CACNA1C: variants seen among roughly 807,000 people sequenced by gnomAD.
The protein encoded by CACNA1C is voltage-dependent L-type calcium channel subunit alpha-1C.
Under a neutral mutation model 229.0 loss-of-function variants are expected in CACNA1C, and 30 were observed. That is an observed-to-expected ratio of 0.13 (90% CI 0.10 to 0.18). The LOEUF (loss-of-function observed/expected upper bound fraction) is 0.18. CACNA1C is among the 10% of genes least tolerant of loss of function. The probability of loss-of-function intolerance (pLI) is 1.00; values close to 1 mark genes in which losing one functional copy is unlikely to be tolerated. For missense variants in CACNA1C, 1,658 were observed against 2,845.0 expected (o/e 0.58, Z 9.49); for synonymous variants, 1,114 against 1,132.5 (o/e 0.98, Z 0.33).
chr12:2,393,198 ACT>A (rs1305941385), intron 3 of CACNA1C, among the ~76,000 whole-genome samples: 1 of 152,176 alleles, frequency 6.6e-6, no homozygotes, highest in African/African-American at 2.4e-5. Context: ...CCTCCAGACC[ACT>A]GTCTTACCAT....
chr12:2,024,030 C>G (rs2046906201), intron 1 of CACNA1C, among the ~76,000 whole-genome samples: 1 of 152,186 alleles, frequency 6.6e-6, no homozygotes, highest in Non-Finnish European at 1.5e-5. Flanking sequence ...GCACTTAGTA[C>G]CCAGTGCAGA....
chr12:2,437,852 ATGGTGGTGATGG>A lies in CACNA1C; in HGVS notation c.478-11116_478-11105del, dbSNP rs1214959811. ...GGTGGTGGTAATGATGGTGGTGATG[ATGGTGGTGATGG>A]TGGTGGTAATGGTGGTGGCGGTGGT... On this transcript the variant is annotated intron_variant, in intron 3 of 46. Coordinates refer to ENST00000399655, the MANE Select transcript of CACNA1C (RefSeq NM_000719.7). Among the ~76,000 whole-genome samples the A allele has an allele frequency of 5.5e-4, 59 of 106,542 alleles. No individual in the cohort carries two copies. In the East Asian group the frequency reaches 0.024, roughly 44 times the overall value. The allele number at this position is 106,542 out of a possible 152,430, so 69.9% of individuals were successfully genotyped here. A position where few individuals can be genotyped will look rare whatever the true frequency, so the allele number is the denominator to read the frequency against.
chr12:2,487,956 G>A (rs1370616464), intron 6 of CACNA1C, among the ~76,000 whole-genome samples: 1 of 152,110 alleles, frequency 6.6e-6, no homozygotes, highest in Non-Finnish European at 1.5e-5. Flanking sequence ...CAGTTGTATT[G>A]AAATTATCAA....
At chr12:2,229,513 A>G (rs894871986) in intron 3 of CACNA1C, among the ~76,000 whole-genome samples, 17 of 152,174 alleles carry the variant, frequency 1.1e-4, no homozygotes, top group Non-Finnish European at 1.5e-4. Flanking sequence ...AATCTAGTAG[A>G]GAGACAATGA....
chr12:2,477,878 T>G (rs534550556), intron 5 of CACNA1C, among the ~76,000 whole-genome samples: 1 of 152,030 alleles, frequency 6.6e-6, no homozygotes, highest in African/African-American at 2.4e-5. Context: ...TCTCAAATTA[T>G]CTTAATTTGA....
intron 11 of CACNA1C, among the ~76,000 whole-genome samples, chr12:2,563,754 G>A (rs2048752208): frequency 6.6e-6 from 1 of 152,240 alleles, no homozygotes; most frequent in South Asian, 2.1e-4. Context: ...ATCCGTAACA[G>A]CCCAGGTTGG....
rs536731361 is a variant in CACNA1C at position 2,480,699 on chromosome 12, C to T, written c.758-5405C>T. Among the ~76,000 whole-genome samples the T allele has an allele frequency of 2.6e-5, 4 of 152,366 alleles. No homozygotes were observed. The South Asian group carries it at 6.2e-4, about 24-fold the overall frequency. On this transcript the variant is annotated intron_variant, in intron 5 of 46. Transcript: ENST00000399655. ...TACCCACCAACCCCCTAAACCCAAA[C>T]TTCTCTTTTCCTAGTTCAGTGATTC...
intron 1 of CACNA1C, among the ~76,000 whole-genome samples, chr12:2,106,482 C>T (rs1387979471): frequency 8.5e-5 from 9 of 106,298 alleles, no homozygotes; most frequent in African/African-American, 1.4e-4. Context: ...CACTGGGAGC[C>T]CACCCCGGGG....
chr12:2,447,691 C>T (rs1338976478), intron 3 of CACNA1C, among the ~76,000 whole-genome samples: 1 of 152,218 alleles, frequency 6.6e-6, no homozygotes, highest in Non-Finnish European at 1.5e-5. Context: ...GCCCTGCTCC[C>T]GATGGCCCTG....
At chr12:2,641,752 T>G in intron 30 of CACNA1C, 1 of 702,592 alleles carries the variant, frequency 1.4e-6, no homozygotes. Context: ...ATGTTTATTG[T>G]ATCTCAGGTG....
intron 39 of CACNA1C, chr12:2,676,187 A>G (rs2096801763): frequency 6.6e-6 from 1 of 152,188 alleles, no homozygotes; most frequent in South Asian, 2.1e-4. Context: ...TTGTCCCACC[A>G]TGCAGTTCTT....
At chr12:2,657,172 T>C (rs939011156) in intron 34 of CACNA1C, among the ~76,000 whole-genome samples, 1 of 152,144 alleles carries the variant, frequency 6.6e-6, no homozygotes, top group African/African-American at 2.4e-5. Flanking sequence ...AGAGTAATGA[T>C]ATGAGTAAAA....
chr12:2,537,319 C>T (rs2283324), intron 9 of CACNA1C, among the ~76,000 whole-genome samples: 4,364 of 152,276 alleles, frequency 0.029, 179 homozygotes, highest in East Asian at 0.13. Context: ...TTGGAGTAAA[C>T]GACTGAATTT....
At chr12:2,617,577 C>A (rs1223383212) in intron 29 of CACNA1C, among the ~76,000 whole-genome samples, 1 of 152,208 alleles carries the variant, frequency 6.6e-6, no homozygotes, top group African/African-American at 2.4e-5. Flanking sequence ...GCTTCCAGAG[C>A]AGTCTTTTCT....
At chr12:2,343,983 A>T (rs760608810) in intron 3 of CACNA1C, among the ~76,000 whole-genome samples, 1 of 152,208 alleles carries the variant, frequency 6.6e-6, no homozygotes, top group Non-Finnish European at 1.5e-5. Context: ...GAAATAGAGA[A>T]AACGGTGCCA....
chr12:2,673,041 G>A (rs1452869698), intron 38 of CACNA1C, among the ~76,000 whole-genome samples: 1 of 152,226 alleles, frequency 6.6e-6, no homozygotes, highest in Non-Finnish European at 1.5e-5. Flanking sequence ...TGGCCCCAGA[G>A]GTGGATTTGA....
In CACNA1C at chr12:2,319,719, G is replaced by A. The variant is rs1307664274; in HGVS notation, c.478-129257G>A. 6.6e-6 allele frequency among the ~76,000 whole-genome samples: 1 copy of A among 152,132 alleles called. No homozygotes were observed. The highest frequency in any genetic ancestry group is 1.5e-5 in the Non-Finnish European group (1 of 68,034). ...ATCTGGGGTGTCTGCAAATGTTGGTGCTCACGGGGGTGTGCTGGGCCGGGA... is the reference window on the plus strand; with the variant it reads ...ATCTGGGGTGTCTGCAAATGTTGGTACTCACGGGGGTGTGCTGGGCCGGGA... On this transcript the variant is annotated intron_variant, in intron 3 of 46. Coordinates refer to ENST00000399655, the MANE Select transcript of CACNA1C (RefSeq NM_000719.7). The surrounding 1 kb of genome is among the most constrained non-coding windows in gnomAD (Gnocchi z 4.0).
At chr12:2,618,347 C>T (rs978252458) in intron 29 of CACNA1C, among the ~76,000 whole-genome samples, 13 of 152,240 alleles carry the variant, frequency 8.5e-5, no homozygotes, top group African/African-American at 2.4e-5. Context: ...CAGACATGTT[C>T]TCTGCCCCCG....
intron 30 of CACNA1C, among the ~76,000 whole-genome samples, chr12:2,642,237 C>T (rs2093794619): frequency 6.6e-6 from 1 of 152,116 alleles, no homozygotes; most frequent in South Asian, 2.1e-4. Flanking sequence ...TGCCTTCTGC[C>T]CCAAACTGTG....
Sources: allele counts gnomAD v4.1 joint callset (sites outside exome capture counted in the v4.1 genomes callset), GRCh38; gene constraint gnomAD v4.1.1; non-coding constraint Gnocchi (gnomAD v3.1); transcripts MANE v1.5; gene names NCBI Gene and HGNC (gene_info 2026-07-23, HGNC 2026-07-21).